ASXL3: variants seen among roughly 807,000 people sequenced by gnomAD.
ASXL3 encodes the protein ASXL transcriptional regulator 3, also known as putative Polycomb group protein ASXL3.
Under a neutral mutation model 170.6 loss-of-function variants are expected in ASXL3, and 34 were observed. The ratio of observed to expected loss-of-function variants is 0.20; its 90% confidence interval spans 0.15 to 0.27. The LOEUF (loss-of-function observed/expected upper bound fraction) is 0.27, where lower values mean the gene tolerates loss of function less well. ASXL3 is among the 10% of genes least tolerant of loss of function. The pLI, the probability that ASXL3 is intolerant of heterozygous loss-of-function variation, is 1.00. For missense variants in ASXL3, 2,592 were observed against 2,695.3 expected (o/e 0.96, Z 0.85); for synonymous variants, 1,002 against 989.1 (o/e 1.01, Z -0.24).
intron 1 of ASXL3, among the ~76,000 whole-genome samples, chr18:33,592,916 G>A (rs1488346407): frequency 1.3e-5 from 2 of 151,892 alleles, no homozygotes; most frequent in East Asian, 3.9e-4. Context: ...TCATTACAAG[G>A]GAAATCTTTT....
chr18:33,745,164 G>A lies in ASXL3; in HGVS notation c.5316G>A (p.Lys1772=). ...TGCCACAGCCCAGATTGGGAGCCAA[G>A]CTTGAAATCAACAGGCTTCCATTGC... ...KVLPQPRLGA[K]LEINRLPLPL... The change falls in exon 12 of 12, where the codon AAG becomes AAA. Residue 1772 remains lysine, a synonymous_variant. Transcript: ENST00000269197. The A allele has an allele frequency of 6.2e-7, 1 of 1,614,004 alleles. No individual in the cohort carries two copies.
intron 8 of ASXL3, among the ~76,000 whole-genome samples, chr18:33,729,488 T>C (rs1303575705): frequency 6.6e-6 from 1 of 152,156 alleles, no homozygotes; most frequent in African/African-American, 2.4e-5. Flanking sequence ...GTAGCCAAGA[T>C]GATATAAAGT....
At chr18:33,614,458 G>A (rs1358769689) in intron 2 of ASXL3, 2 of 152,146 alleles carry the variant, frequency 1.3e-5, no homozygotes, top group East Asian at 3.9e-4. Flanking sequence ...TTCCACCACT[G>A]AAGTGTTGAA....
intron 5 of ASXL3, among the ~76,000 whole-genome samples, 179 bp downstream of exon 5, chr18:33,661,916 G>T (rs998705842): frequency 4.6e-5 from 7 of 151,732 alleles, no homozygotes; most frequent in Non-Finnish European, 1.0e-4. Flanking sequence ...ACTAGGAGAG[G>T]CTTGACTGAG....
intron 1 of ASXL3, among the ~76,000 whole-genome samples, chr18:33,590,111 G>GTTTTTTTTTTTGTTTTTTTTTT (rs2065064686): frequency 4.8e-5 from 4 of 83,184 alleles, no homozygotes; most frequent in African/African-American, 6.9e-5. Context: ...TGCTTTCTAT[G>GTTTTTTTTTTTGTTTTTTTTTT]TTTTTTTTTT....
chr18:33,584,916 G>A (rs1204561102), intron 1 of ASXL3, among the ~76,000 whole-genome samples: 1 of 151,650 alleles, frequency 6.6e-6, no homozygotes, highest in South Asian at 2.1e-4. Context: ...ATGTGTGTGT[G>A]TATACTTTTT....
chr18:33,682,891 T>C (rs1453450971), intron 7 of ASXL3, among the ~76,000 whole-genome samples: 1 of 152,132 alleles, frequency 6.6e-6, no homozygotes, highest in African/African-American at 2.4e-5. Flanking sequence ...ATTATCACCC[T>C]CAGAAATGCC....
intron 2 of ASXL3, among the ~76,000 whole-genome samples, chr18:33,633,623 C>T (rs1371125098): frequency 6.6e-6 from 1 of 151,966 alleles, no homozygotes; most frequent in Admixed American, 6.6e-5. Flanking sequence ...GGGGGTGGAT[C>T]ATGAGGTCGG....
rs763690932 is a variant in ASXL3 at position 33,745,761 on chromosome 18, A to C, written c.5913A>C (p.Gly1971=). 6.2e-7 allele frequency: 1 copy of C among 1,613,962 alleles called. No individual in the cohort carries two copies. Among genetic ancestry groups the C allele is most frequent in the South Asian group, 1.1e-5 (1 of 91,084 alleles). The change falls in exon 12 of 12, where the codon GGA becomes GGC. Residue 1971 remains glycine, a synonymous_variant. Transcript: ENST00000269197. ...FAFNRHLEQK[G]LGEVSLSSAP... ...TCAACAGGCATCTTGAACAGAAGGGATTGGGAGAGGTTAGTCTTTCCTCAG... is the reference window on the plus strand; with the variant it reads ...TCAACAGGCATCTTGAACAGAAGGGCTTGGGAGAGGTTAGTCTTTCCTCAG...
At chr18:33,618,817 T>TG (rs1399761628) in intron 2 of ASXL3, among the ~76,000 whole-genome samples, 2 of 152,268 alleles carry the variant, frequency 1.3e-5, no homozygotes, top group East Asian at 3.9e-4. Flanking sequence ...AATTATCTCT[T>TG]GAATTATTCA....
chr18:33,739,615 C>T lies in ASXL3; in HGVS notation c.2211C>T (p.Thr737=). Residue 737 remains threonine (T), a synonymous_variant, in exon 11 of 12, where the codon ACC becomes ACT. Coordinates refer to ENST00000269197, the MANE Select transcript of ASXL3 (RefSeq NM_030632.3). The part of the protein sequence containing the change: ...ETSSVSSMLL[T]SETTFVSSLP... ...CTTCAGTGTCTTCCATGCTTCTCAC[C>T]TCTGAGACCACTTTTGTATCCAGTT... 6.2e-7 allele frequency: 1 copy of T among 1,613,936 alleles called. No individual in the cohort carries two copies. Among genetic ancestry groups the T allele is most frequent in the Non-Finnish European group, 8.5e-7 (1 of 1,179,860 alleles).
intron 2 of ASXL3, among the ~76,000 whole-genome samples, chr18:33,631,964 A>G (rs2065683210): frequency 6.6e-6 from 1 of 152,160 alleles, no homozygotes; most frequent in South Asian, 2.1e-4. Flanking sequence ...AAATGGAAAG[A>G]ATTAGGCTGG....
Position 33,738,620 on chromosome 18 carries a change from A to G in ASXL3, c.1216A>G (p.Lys406Glu). The G allele has an allele frequency of 6.2e-6, 10 of 1,613,958 alleles. No homozygotes were observed. Among genetic ancestry groups the G allele is most frequent in the Non-Finnish European group, 7.6e-6 (9 of 1,179,870 alleles). The change falls in exon 11 of 12, where the codon AAA becomes GAA. Residue 406 changes from lysine to glutamate, a missense_variant. Transcript: ENST00000269197. ...AQTALAEQQP[K>E]SMKSPASPEP... The stretch of plus-strand genomic sequence containing the variant: ...GACAGCCTTGGCAGAACAACAGCCA[A>G]AAAGCATGAAAAGCCCAGCTTCTCC...
In ASXL3 at chr18:33,590,518, G is replaced by A. The variant is rs191396060; in HGVS notation, c.54+11833G>A. On this transcript the variant is annotated intron_variant, in intron 1 of 11. Coordinates refer to ENST00000269197, the MANE Select transcript of ASXL3 (RefSeq NM_030632.3). Reference sequence around the variant, plus strand: ...ATGACATTGCCTTTGCTATATAGACGGTGAATTAACTTGCTTAGCTAGTAA... The same window carrying A: ...ATGACATTGCCTTTGCTATATAGACAGTGAATTAACTTGCTTAGCTAGTAA... Among the ~76,000 whole-genome samples, 120 of 152,222 alleles carry A rather than the reference G, an allele frequency of 7.9e-4. 1 individual carries two copies. The highest frequency in any genetic ancestry group is 2.7e-3 in the African/African-American group (114 of 41,526).
chr18:33,617,023 G>C lies in ASXL3; in HGVS notation c.137+9347G>C, dbSNP rs1475455384. Among the ~76,000 whole-genome samples, 58 of 152,106 alleles carry C rather than the reference G, an allele frequency of 3.8e-4. 1 individual carries two copies. The highest frequency in any genetic ancestry group is 3.8e-3 in the Admixed American group (58 of 15,258). On this transcript the variant is annotated intron_variant, in intron 2 of 11. Coordinates refer to ENST00000269197, the MANE Select transcript of ASXL3 (RefSeq NM_030632.3). Reference sequence around the variant, plus strand: ...TGATTCAGAATTTGGAAGATTTATAGAATTCATAGTATAACATAAGAATAT... The same window carrying C: ...TGATTCAGAATTTGGAAGATTTATACAATTCATAGTATAACATAAGAATAT...
chr18:33,595,523 A>G (rs1599377725), intron 1 of ASXL3, among the ~76,000 whole-genome samples: 4 of 152,326 alleles, frequency 2.6e-5, no homozygotes. Flanking sequence ...CATCTAACCA[A>G]TTTAATGAAA....
At chr18:33,723,413 G>A (rs1165628112) in intron 8 of ASXL3, among the ~76,000 whole-genome samples, 1 of 152,140 alleles carries the variant, frequency 6.6e-6, no homozygotes, top group Admixed American at 6.6e-5. Flanking sequence ...ATGACTTTGA[G>A]GAGTTCAAGA....
At chr18:33,727,010 C>T (rs776423286) in intron 8 of ASXL3, among the ~76,000 whole-genome samples, 3 of 152,154 alleles carry the variant, frequency 2.0e-5, no homozygotes, top group Non-Finnish European at 4.4e-5. Context: ...TCTTTCTGCT[C>T]AAATGTCTCT....
chr18:33,662,315 C>T (rs1035297831), intron 5 of ASXL3, among the ~76,000 whole-genome samples: 2 of 152,150 alleles, frequency 1.3e-5, no homozygotes, highest in African/African-American at 4.8e-5. Flanking sequence ...AGGTTGGGCT[C>T]TGGGCACGGA....
Sources: gnomAD v4.1 joint callset for allele counts (sites outside exome capture counted in the v4.1 genomes callset) on GRCh38, gnomAD v4.1.1 for gene constraint, MANE v1.5 for transcripts, NCBI Gene and HGNC (gene_info 2026-07-23, HGNC 2026-07-21) for gene names.